RALGPS2: variants seen among roughly 807,000 people sequenced by gnomAD.
RALGPS2 encodes ras-specific guanine nucleotide-releasing factor RalGPS2.
In RALGPS2, 43 loss-of-function variants were observed where a neutral mutation model predicts 86.8. The ratio of observed to expected loss-of-function variants is 0.50; its 90% CI spans 0.39 to 0.64. The LOEUF (loss-of-function observed/expected upper bound fraction) is 0.64, where lower values mean the gene tolerates loss of function less well. RALGPS2 is among the 30% of genes least tolerant of loss of function. The pLI is 0.00. For missense variants in RALGPS2, 536 were observed against 694.6 expected (o/e 0.77, Z 2.57); for synonymous variants, 243 against 231.3 (o/e 1.05, Z -0.46).
chr1:178,825,659 G>C (rs1199902154), intron 7 of RALGPS2, among the ~76,000 whole-genome samples: 1 of 151,920 alleles, frequency 6.6e-6, no homozygotes, highest in Non-Finnish European at 1.5e-5. Context: ...TGTAATCTAG[G>C]GTTCTCTTGT....
intron 14 of RALGPS2, among the ~76,000 whole-genome samples, chr1:178,890,491 A>G (rs1344796887): frequency 6.6e-6 from 1 of 151,948 alleles, no homozygotes; most frequent in African/African-American, 2.4e-5. Flanking sequence ...TTCATTACTC[A>G]AGCGGGTCAT....
intron 1 of RALGPS2, among the ~76,000 whole-genome samples, chr1:178,752,551 G>A (rs1651741556): frequency 6.6e-6 from 1 of 152,156 alleles, no homozygotes; most frequent in African/African-American, 2.4e-5. Flanking sequence ...GCTGTAGAAG[G>A]AAGAATTTAG....
intron 1 of RALGPS2, among the ~76,000 whole-genome samples, chr1:178,761,548 A>G (rs1315230635): frequency 1.3e-5 from 2 of 151,672 alleles, no homozygotes; most frequent in South Asian, 2.1e-4. Flanking sequence ...AAAGCTTTCA[A>G]TTGTTTTTAT....
At chr1:178,872,824 A>G (rs990536088) in intron 8 of RALGPS2, among the ~76,000 whole-genome samples, 2 of 152,232 alleles carry the variant, frequency 1.3e-5, no homozygotes, top group Non-Finnish European at 2.9e-5. Flanking sequence ...GGGACAGATT[A>G]TGGTTAGATA....
chr1:178,824,189 G>A (rs958185110), intron 7 of RALGPS2, among the ~76,000 whole-genome samples: 8 of 152,262 alleles, frequency 5.3e-5, no homozygotes, highest in Non-Finnish European at 8.8e-5. Context: ...AGTAGAGAAT[G>A]GGGTGAAAAA....
intron 1 of RALGPS2, among the ~76,000 whole-genome samples, chr1:178,754,424 T>G (rs1395412893): frequency 6.6e-6 from 1 of 152,068 alleles, no homozygotes; most frequent in Non-Finnish European, 1.5e-5. Flanking sequence ...GGAGAGCCGG[T>G]GGTATAAGTT....
At chr1:178,739,284 A>C (rs1650892373) in intron 1 of RALGPS2, among the ~76,000 whole-genome samples, 1 of 152,210 alleles carries the variant, frequency 6.6e-6, no homozygotes, top group Admixed American at 6.5e-5. Flanking sequence ...TCTTGTAAGC[A>C]CAGTACTTGA....
At position 178,920,534 on chromosome 1, in the gene RALGPS2, A is replaced by G. The variant is rs954249364; in HGVS notation, c.*4175A>G. On this transcript the variant is annotated 3_prime_UTR_variant, in exon 20 of 20. Transcript: ENST00000367635. ...GTCTTTACAGAAACCTCTGTAGGTG[A>G]TTGTTGCAGTCTTCCTTGGTTTTTG... 2.6e-5 allele frequency: 4 copies of G among 151,934 alleles called. No individual in the cohort carries two copies. Among genetic ancestry groups the G allele is most frequent in the African/African-American group, 9.7e-5 (4 of 41,414 alleles). The allele number at this position is 151,934 out of a possible 1,614,324, so 9.4% of individuals were successfully genotyped here. A position where few individuals can be genotyped will look rare whatever the true frequency, so the allele number is the denominator to read the frequency against.
intron 8 of RALGPS2, among the ~76,000 whole-genome samples, chr1:178,834,355 C>T (rs1381135927): frequency 6.6e-6 from 1 of 152,118 alleles, no homozygotes; most frequent in Non-Finnish European, 1.5e-5. Context: ...AAATTACTCA[C>T]ACTAAATTTC....
intron 10 of RALGPS2, among the ~76,000 whole-genome samples, chr1:178,880,236 T>G (rs12083258): frequency 0.033 from 4,995 of 152,282 alleles, 148 homozygotes; most frequent in East Asian, 0.091. Context: ...ACTTCCTTTT[T>G]CCAGATTTTG....
chr1:178,731,805 A>G (rs1194325969), intron 1 of RALGPS2, among the ~76,000 whole-genome samples: 2 of 152,098 alleles, frequency 1.3e-5, no homozygotes, highest in Non-Finnish European at 2.9e-5. Context: ...GATATGATCT[A>G]GTTTAGAGGT....
chr1:178,898,440 T>C (rs1660034313), intron 17 of RALGPS2, among the ~76,000 whole-genome samples: 1 of 152,032 alleles, frequency 6.6e-6, no homozygotes, highest in Non-Finnish European at 1.5e-5. Flanking sequence ...CAAATGATAC[T>C]GTATAATTCA....
chr1:178,856,190 C>CAG (rs139246466), intron 8 of RALGPS2, among the ~76,000 whole-genome samples: 769 of 68,940 alleles, frequency 0.011, 18 homozygotes, highest in African/African-American at 0.031. Context: ...TGTACTTTTC[C>CAG]AGAGAGAGAG....
chr1:178,734,991 TA>T (rs1471425564), intron 1 of RALGPS2, among the ~76,000 whole-genome samples: 1 of 151,952 alleles, frequency 6.6e-6, no homozygotes. Context: ...TAAGAGGCAA[TA>T]AAATAAAAAT....
At chr1:178,827,329 A>G (rs1004633250) in intron 7 of RALGPS2, among the ~76,000 whole-genome samples, 3 of 152,216 alleles carry the variant, frequency 2.0e-5, no homozygotes, top group East Asian at 3.8e-4. Context: ...TGGAATCACA[A>G]ACATCTCAGA....
At chr1:178,834,332 T>A (rs758358253) in intron 8 of RALGPS2, among the ~76,000 whole-genome samples, 16 of 152,272 alleles carry the variant, frequency 1.1e-4, no homozygotes, top group South Asian at 2.1e-4. Flanking sequence ...CCCCCCAGAT[T>A]TTGTGTTTGA....
chr1:178,784,061 A>C (rs1015432339), intron 2 of RALGPS2, among the ~76,000 whole-genome samples: 1 of 152,194 alleles, frequency 6.6e-6, no homozygotes, highest in South Asian at 2.1e-4. Context: ...TAGTTTAAAA[A>C]ATTGTAAGTA....
chr1:178,857,527 G>A (rs778847668), intron 8 of RALGPS2, among the ~76,000 whole-genome samples: 11 of 152,140 alleles, frequency 7.2e-5, no homozygotes, highest in Non-Finnish European at 1.2e-4. Flanking sequence ...TGGTAGCAAA[G>A]TCTAAGAACT....
chr1:178,840,079 T>C (rs1206622717), intron 8 of RALGPS2, among the ~76,000 whole-genome samples: 1 of 151,912 alleles, frequency 6.6e-6, no homozygotes, highest in Admixed American at 6.6e-5. Flanking sequence ...ACTGTCAACA[T>C]TAGACAGATC....
Sources: gnomAD v4.1 joint callset for allele counts (sites outside exome capture counted in the v4.1 genomes callset) on GRCh38, gnomAD v4.1.1 for gene constraint, MANE v1.5 for transcripts, NCBI Gene and HGNC (gene_info 2026-07-23, HGNC 2026-07-21) for gene names.